Variants in SIL1 observed in about 807,000 individuals in gnomAD.
The protein encoded by SIL1 is SIL1 nucleotide exchange factor, also known as nucleotide exchange factor SIL1.
Under a neutral mutation model 49.1 loss-of-function variants are expected in SIL1, and 40 were observed. That is an observed-to-expected ratio of 0.81 (90% CI 0.63 to 1.06). The LOEUF is 1.06. Among genes scored for constraint, SIL1 ranks in the 50% least tolerant of loss-of-function variants. The pLI is 0.00. For missense variants in SIL1, 500 were observed against 572.6 expected (o/e 0.87, Z 1.29); for synonymous variants, 253 against 250.8 (o/e 1.01, Z -0.08).
chr5:139,034,119 T>C (rs1309919090), intron 5 of SIL1, among the ~76,000 whole-genome samples: 2 of 152,210 alleles, frequency 1.3e-5, no homozygotes, highest in African/African-American at 4.8e-5. Flanking sequence ...TCAACTTTGA[T>C]ATTAATATAG....
chr5:139,056,845 T>G (rs1476335829), intron 3 of SIL1, among the ~76,000 whole-genome samples: 453 of 151,794 alleles, frequency 3.0e-3, no homozygotes, highest in African/African-American at 9.2e-3. Context: ...GAACGGGCCA[T>G]GATGACAATG....
chr5:138,980,507 T>G (rs1321243839), intron 7 of SIL1, among the ~76,000 whole-genome samples: 3 of 152,084 alleles, frequency 2.0e-5, no homozygotes, highest in Non-Finnish European at 4.4e-5. Context: ...AGTTGCAGCA[T>G]CAAGAAAGGT....
At chr5:139,026,771 G>A in intron 6 of SIL1, 30 bp downstream of exon 6, 1 of 1,607,646 alleles carries the variant, frequency 6.2e-7, no homozygotes, top group South Asian at 1.1e-5. Context: ...GCTGTTAAAA[G>A]TCTGACTTAT....
At chr5:139,010,231 A>G (rs1313043543) in intron 7 of SIL1, among the ~76,000 whole-genome samples, 2 of 148,898 alleles carry the variant, frequency 1.3e-5, no homozygotes, top group Non-Finnish European at 3.0e-5. Context: ...CATTACTGAT[A>G]CCCTTTCTTC....
chr5:138,979,284 C>T (rs1295322584), intron 7 of SIL1, among the ~76,000 whole-genome samples: 3 of 152,154 alleles, frequency 2.0e-5, no homozygotes, highest in African/African-American at 4.8e-5. Context: ...AGGCTGGTCT[C>T]GATCTCCTGA....
intron 1 of SIL1, among the ~76,000 whole-genome samples, chr5:139,177,073 C>T (rs1478849717): frequency 2.0e-5 from 3 of 151,412 alleles, no homozygotes; most frequent in Non-Finnish European, 2.9e-5. Flanking sequence ...GCTGGAACTA[C>T]AGGCGCCCGC....
chr5:139,102,434 CTA>C (rs1770607175), intron 3 of SIL1, among the ~76,000 whole-genome samples: 1 of 144,710 alleles, frequency 6.9e-6, no homozygotes, highest in Non-Finnish European at 1.5e-5. Context: ...TTGTGTTTTT[CTA>C]TGTTTTCCAA....
chr5:138,993,928 T>C (rs1327626981), intron 7 of SIL1, among the ~76,000 whole-genome samples: 1 of 152,202 alleles, frequency 6.6e-6, no homozygotes, highest in East Asian at 1.9e-4. Flanking sequence ...TTTAAGCCAC[T>C]AAGTTTGTGA....
intron 3 of SIL1, among the ~76,000 whole-genome samples, chr5:139,109,479 T>G (rs1378343899): frequency 6.6e-6 from 1 of 152,166 alleles, no homozygotes; most frequent in East Asian, 1.9e-4. Flanking sequence ...TCACATTATT[T>G]TGTTCCCATG....
intron 4 of SIL1, among the ~76,000 whole-genome samples, chr5:139,043,054 G>C (rs1239641379): frequency 6.6e-6 from 1 of 152,194 alleles, no homozygotes; most frequent in African/African-American, 2.4e-5. Flanking sequence ...GTCCCTGGGT[G>C]AATGGCACCC....
intron 1 of SIL1, 114 bp from the exon 2 acceptor site, chr5:139,127,967 G>A (rs1490378254): frequency 1.4e-6 from 1 of 724,010 alleles, no homozygotes; most frequent in Non-Finnish European, 2.5e-6. Context: ...CCTGCATAGA[G>A]GTATAACGAG....
chr5:139,067,347 TTA>T (rs1221189128), intron 3 of SIL1, among the ~76,000 whole-genome samples: 1 of 152,240 alleles, frequency 6.6e-6, no homozygotes, highest in Non-Finnish European at 1.5e-5. Context: ...TGTTTAGTTC[TTA>T]ACTACTACTA....
chr5:138,955,307 A>G (rs1490129622), intron 7 of SIL1, among the ~76,000 whole-genome samples: 11 of 152,196 alleles, frequency 7.2e-5, no homozygotes, highest in Non-Finnish European at 2.9e-5. Context: ...CTAAATAAAT[A>G]CCATTAGCAC....
At chr5:139,087,184 A>G (rs1770242111) in intron 3 of SIL1, among the ~76,000 whole-genome samples, 1 of 151,870 alleles carries the variant, frequency 6.6e-6, no homozygotes, top group Non-Finnish European at 1.5e-5. Flanking sequence ...CAGGCCAACA[A>G]TCAGACATCA....
chr5:138,994,293 AG>A (rs1767817331), intron 7 of SIL1, among the ~76,000 whole-genome samples: 1 of 152,232 alleles, frequency 6.6e-6, no homozygotes, highest in Non-Finnish European at 1.5e-5. Flanking sequence ...GACATCAGCA[AG>A]TTTGTTGGCT....
At chr5:138,981,387 G>A (rs866638693) in intron 7 of SIL1, among the ~76,000 whole-genome samples, 4 of 152,138 alleles carry the variant, frequency 2.6e-5, no homozygotes, top group Non-Finnish European at 5.9e-5. Context: ...GGGAGCAAGT[G>A]AATGCAGGAC....
intron 7 of SIL1, among the ~76,000 whole-genome samples, chr5:138,970,123 T>C (rs1767238654): frequency 6.6e-6 from 1 of 152,194 alleles, no homozygotes; most frequent in Non-Finnish European, 1.5e-5. Context: ...GACTGGCAGA[T>C]TGTATTTATC....
intron 1 of SIL1, among the ~76,000 whole-genome samples, chr5:139,162,826 G>A (rs1751540810): frequency 6.6e-6 from 1 of 152,076 alleles, no homozygotes; most frequent in African/African-American, 2.4e-5. Flanking sequence ...CTAGTGGAGG[G>A]AAAACAGAGT....
chr5:139,052,079 GA>G (rs1287642129), intron 3 of SIL1, among the ~76,000 whole-genome samples: 1 of 152,148 alleles, frequency 6.6e-6, no homozygotes, highest in Non-Finnish European at 1.5e-5. Context: ...ATGACTTTCA[GA>G]AAAAATTCCT....
Sources: allele counts gnomAD v4.1 joint callset (sites outside exome capture counted in the v4.1 genomes callset), GRCh38; gene constraint gnomAD v4.1.1; transcripts MANE v1.5; gene names NCBI Gene and HGNC (gene_info 2026-07-23, HGNC 2026-07-21).